The following PDE9A variants were observed in gnomAD, a reference collection of about 807,000 sequenced individuals.
PDE9A encodes the protein high affinity cGMP-specific 3',5'-cyclic phosphodiesterase 9A.
PDE9A carries 60 observed loss-of-function variants against 87.4 expected under a neutral mutation model. The ratio of observed to expected loss-of-function variants is 0.69; its 90% CI spans 0.56 to 0.85. The LOEUF (loss-of-function observed/expected upper bound fraction) is 0.85, where lower values mean the gene tolerates loss of function less well. Among genes scored for constraint, PDE9A ranks in the 40% least tolerant of loss-of-function variants. The pLI is 0.00. For missense variants in PDE9A, 665 were observed against 779.0 expected, an observed-to-expected ratio of 0.85 and a Z score of 1.74; for synonymous variants, 272 against 279.4, an observed-to-expected ratio of 0.97 and a Z score of 0.27.
rs557773668 is a variant in PDE9A at position 42,746,639 on chromosome 21, C to T, written c.653+2779C>T. Among the ~76,000 whole-genome samples, 7 of 152,354 alleles carry T rather than the reference C, an allele frequency of 4.6e-5. No homozygotes were observed. In the South Asian group the frequency reaches 1.4e-3, roughly 32 times the overall value. ...ACCCTCAGAGGCAGCAGGGTTAGGACTTCAACATACAACTTTTGGGGGGAG... is the reference window on the plus strand; with the variant it reads ...ACCCTCAGAGGCAGCAGGGTTAGGATTTCAACATACAACTTTTGGGGGGAG... On this transcript the variant is annotated intron_variant, in intron 8 of 19. Transcript: ENST00000291539.
Position 42,768,191 on chromosome 21 carries a change from A to C in PDE9A, c.1360A>C (p.Lys454Gln). The change falls in exon 16 of 20, where the codon AAG (lysine) becomes CAG (glutamine). Residue 454 changes from lysine (K) to glutamine (Q), a missense_variant. By Grantham distance (53) the Lys-to-Gln change is moderately conservative. Transcript: ENST00000291539. Reference protein sequence around the residue: ...YSNEEHMTLLKMILIKCCDIS... With the variant: ...YSNEEHMTLLQMILIKCCDIS... ...ATTCCAAAATCTCTTCTTTCAGCTG[A>C]AGATGATTTTGATAAAATGCTGTGA... 2 of 1,593,536 alleles carry C rather than the reference A, an allele frequency of 1.3e-6. No homozygotes were observed. The highest frequency in any genetic ancestry group is 1.7e-6 in the Non-Finnish European group (2 of 1,161,128).
intron 7 of PDE9A, among the ~76,000 whole-genome samples, chr21:42,738,797 C>G (rs767888806): frequency 1.3e-5 from 2 of 152,132 alleles, no homozygotes. Context: ...GTGATTCTCC[C>G]GCCTCAGCCC....
intron 4 of PDE9A, among the ~76,000 whole-genome samples, chr21:42,708,202 T>C (rs918656632): frequency 1.3e-5 from 2 of 152,194 alleles, no homozygotes; most frequent in Non-Finnish European, 1.5e-5. Flanking sequence ...AGTGTATAAA[T>C]GAAAAATAAC....
chr21:42,751,853 TCTC>T (rs1170135554), intron 9 of PDE9A, among the ~76,000 whole-genome samples: 2 of 150,146 alleles, frequency 1.3e-5, no homozygotes, highest in African/African-American at 4.9e-5. Flanking sequence ...TTCAAGCAAT[TCTC>T]CTACCTCAGC....
intron 1 of PDE9A, among the ~76,000 whole-genome samples, chr21:42,681,212 G>C (rs1276116741): frequency 6.6e-6 from 1 of 152,254 alleles, no homozygotes; most frequent in Non-Finnish European, 1.5e-5. Context: ...CTTGCCCACA[G>C]GGTTGAAAGA....
chr21:42,670,375 CACAT>C (rs1569118089), intron 1 of PDE9A, among the ~76,000 whole-genome samples: 141 of 126,508 alleles, frequency 1.1e-3, no homozygotes, highest in African/African-American at 4.8e-3. Flanking sequence ...CACATTCACA[CACAT>C]TCACATTTAC....
At chr21:42,751,372 A>G (rs928041018) in intron 9 of PDE9A, among the ~76,000 whole-genome samples, 175 bp downstream of exon 9, 4 of 152,208 alleles carry the variant, frequency 2.6e-5, no homozygotes, top group Non-Finnish European at 5.9e-5. Flanking sequence ...TCTCTTTGAC[A>G]TTTGTTTAGC....
At chr21:42,703,491 G>A (rs2048553007) in intron 4 of PDE9A, among the ~76,000 whole-genome samples, 1 of 152,250 alleles carries the variant, frequency 6.6e-6, no homozygotes, top group Non-Finnish European at 1.5e-5. Context: ...GTGAGGTGCT[G>A]CAGGGCTCTC....
intron 3 of PDE9A, among the ~76,000 whole-genome samples, chr21:42,689,181 C>T (rs1025010555): frequency 1.3e-5 from 2 of 151,918 alleles, no homozygotes; most frequent in African/African-American, 4.9e-5. Flanking sequence ...TGGCCAGTGC[C>T]GTCCCCCTCA....
At chr21:42,730,411 C>T (rs535559224) in intron 4 of PDE9A, among the ~76,000 whole-genome samples, 7 of 151,410 alleles carry the variant, frequency 4.6e-5, no homozygotes, top group African/African-American at 1.2e-4. Context: ...TGAGGTGTTG[C>T]GAAGTTAAAC....
Position 42,760,705 on chromosome 21 carries a change from G to T in PDE9A, c.1003-120G>T. 1.4e-6 allele frequency: 1 copy of T among 707,530 alleles called. No individual in the cohort carries two copies. Among genetic ancestry groups the T allele is most frequent in the Non-Finnish European group, 2.6e-6 (1 of 389,192 alleles). 43.8% of individuals were successfully genotyped at this position (707,530 alleles called of 1,614,324 possible). A position where few individuals can be genotyped will look rare whatever the true frequency, so the allele number is the denominator to read the frequency against. ...ATCCTCTCCCACCATGCCAGGAGAT[G>T]CCAGATGGCTGCAGGGGCCTTTGTC... On this transcript the variant is annotated intron_variant, in intron 12 of 19. Coordinates refer to ENST00000291539, the MANE Select transcript of PDE9A (RefSeq NM_002606.3). The surrounding 1 kb of genome is among the most constrained non-coding windows in gnomAD (Gnocchi z 5.2).
At chr21:42,664,751 A>C (rs2057845278) in intron 1 of PDE9A, among the ~76,000 whole-genome samples, 1 of 152,210 alleles carries the variant, frequency 6.6e-6, no homozygotes, top group South Asian at 2.1e-4. Flanking sequence ...AACTTCACTC[A>C]CCACTCTTAT....
At position 42,731,788 on chromosome 21, in the gene PDE9A, G is replaced by GAACC. The variant is rs751440948; in HGVS notation, c.283_286dup (p.Thr96AsnfsTer9). On this transcript the variant is annotated frameshift_variant, in exon 5 of 20. Transcript: ENST00000291539. LOFTEE classifies it high-confidence loss of function. ...TTTATAGCTGGTGTCGAGGACAAGA[G>GAACC]AACCACAAGCCGTGGCCAGTCTGCT... 2.5e-6 allele frequency: 4 copies of GAACC among 1,613,416 alleles called. No homozygotes were observed. Among genetic ancestry groups the GAACC allele is most frequent in the Non-Finnish European group, 3.4e-6 (4 of 1,179,818 alleles).
chr21:42,655,595 G>A (rs1189015568), intron 1 of PDE9A, among the ~76,000 whole-genome samples: 1 of 152,152 alleles, frequency 6.6e-6, no homozygotes, highest in Non-Finnish European at 1.5e-5. Context: ...ACCACTTCCT[G>A]TACCACGAGC....
At chr21:42,755,454 C>T (rs550659970) in intron 10 of PDE9A, among the ~76,000 whole-genome samples, 1 of 152,232 alleles carries the variant, frequency 6.6e-6, no homozygotes, top group African/African-American at 2.4e-5. Flanking sequence ...TGCACTGCTG[C>T]AAACCTGCTC....
At chr21:42,669,600 C>T (rs2058268551) in intron 1 of PDE9A, among the ~76,000 whole-genome samples, 1 of 152,216 alleles carries the variant, frequency 6.6e-6, no homozygotes, top group Admixed American at 6.5e-5. Context: ...CCACACCCCA[C>T]TTGGCGGTTC....
intron 8 of PDE9A, among the ~76,000 whole-genome samples, chr21:42,748,778 C>G (rs376974863): frequency 1.9e-4 from 29 of 152,116 alleles, no homozygotes; most frequent in African/African-American, 7.0e-4. Flanking sequence ...TAAATTTTAA[C>G]CAGCGTACAG....
rs2058805245 is a variant in PDE9A at position 42,675,600 on chromosome 21, C to T, written c.70-10592C>T. On this transcript the variant is annotated intron_variant, in intron 1 of 19. Coordinates refer to ENST00000291539, the MANE Select transcript of PDE9A (RefSeq NM_002606.3). The surrounding 1 kb of genome is among the most constrained non-coding windows in gnomAD (Gnocchi z 4.3). ...ACAGCGCTGTGTGGATACACGGGCC[C>T]GAACGGCGCCAGCCTCACTGCCTCT... is the stretch of plus-strand genomic sequence containing the variant. Among the ~76,000 whole-genome samples the T allele has an allele frequency of 6.6e-6, 1 of 152,208 alleles. No homozygotes were observed. Among genetic ancestry groups the T allele is most frequent in the Non-Finnish European group, 1.5e-5 (1 of 68,028 alleles).
At chr21:42,756,795 T>A (rs2055108544) in intron 10 of PDE9A, 1 of 152,506 alleles carries the variant, frequency 6.6e-6, no homozygotes, top group Non-Finnish European at 1.5e-5. Context: ...ATGCGGGAAC[T>A]GCTGGCTCCC....
Sources: gnomAD v4.1 joint callset for allele counts (sites outside exome capture counted in the v4.1 genomes callset) on GRCh38, gnomAD v4.1.1 for gene constraint, Gnocchi (gnomAD v3.1) non-coding constraint, MANE v1.5 for transcripts, NCBI Gene and HGNC (gene_info 2026-07-23, HGNC 2026-07-21) for gene names.